Variants in RETSAT observed in about 807,000 individuals in gnomAD.
RETSAT encodes the protein retinol saturase.
In RETSAT, 35 loss-of-function variants were observed where a neutral mutation model predicts 61.6. That is an observed-to-expected ratio of 0.57 (90% CI 0.43 to 0.75). The LOEUF (loss-of-function observed/expected upper bound fraction) is 0.75, where lower values mean the gene tolerates loss of function less well. Among genes scored for constraint, RETSAT ranks in the 30% least tolerant of loss-of-function variants. The probability of loss-of-function intolerance (pLI) is 0.00; values close to 1 mark genes in which losing one functional copy is unlikely to be tolerated. For missense variants in RETSAT, 670 were observed against 759.5 expected (o/e 0.88, Z 1.38); for synonymous variants, 277 against 310.4 (o/e 0.89, Z 1.13).
chr2:85,350,310 G>A, intron 3 of RETSAT, 69 bp from the exon 4 acceptor site: 3 of 1,145,886 alleles, frequency 2.6e-6, no homozygotes, highest in Non-Finnish European at 3.9e-6. Flanking sequence ...TATCCCCATA[G>A]CCTGGACCAG....
chr2:85,347,631 G>C (rs1397875074), intron 5 of RETSAT, among the ~76,000 whole-genome samples: 1 of 152,258 alleles, frequency 6.6e-6, no homozygotes, highest in Non-Finnish European at 1.5e-5. Flanking sequence ...GCCACCCAAA[G>C]TGCTGGGATT....
rs202200883 is a variant in RETSAT at position 85,349,396 on chromosome 2, C to T, written c.985G>A (p.Gly329Arg). The T allele has an allele frequency of 1.4e-4, 220 of 1,614,050 alleles. No homozygotes were observed. Among genetic ancestry groups the T allele is most frequent in the Non-Finnish European group, 3.0e-5 (35 of 1,179,958 alleles). Residue 329 changes from glycine (G) to arginine (R), a missense_variant, in exon 5 of 11, where the codon GGG becomes AGG. Physicochemically the swap from Gly to Arg is moderately radical, Grantham distance 125. Coordinates refer to ENST00000295802, the MANE Select transcript of RETSAT (RefSeq NM_017750.4). ...GCAGGGCTCTCACCACAGGCTTTCCCAGCTGAGTCCAGCAACACACTCTGC... is the reference window on the plus strand; with the variant it reads ...GCAGGGCTCTCACCACAGGCTTTCCTAGCTGAGTCCAGCAACACACTCTGC... ...TVQSVLLDSA[G>R]KACGVSVKKG...
In RETSAT at chr2:85,344,638, C is replaced by A. The variant is rs147843877; in HGVS notation, c.1212G>T (p.Pro404=). The A allele has an allele frequency of 3.1e-6, 5 of 1,614,190 alleles. No homozygotes were observed. In the Admixed American group the frequency reaches 5.0e-5, roughly 16 times the overall value. The part of the protein sequence containing the change: ...LRGTKEDLHL[P]STNYYVYYDT... ...CATAGTAAACATAGTAGTTGGTGGACGGCAGATGCAGGTCTTCCTTGGTGC... is the reference window on the plus strand; with the variant it reads ...CATAGTAAACATAGTAGTTGGTGGAAGGCAGATGCAGGTCTTCCTTGGTGC... Residue 404 remains proline (P), a synonymous_variant, in exon 7 of 11, where the codon CCG becomes CCT. Coordinates refer to ENST00000295802, the MANE Select transcript of RETSAT (RefSeq NM_017750.4).
At chr2:85,346,891 C>T (rs1466213112) in intron 5 of RETSAT, among the ~76,000 whole-genome samples, 1 of 152,184 alleles carries the variant, frequency 6.6e-6, no homozygotes, top group Admixed American at 6.5e-5. Context: ...CAGCTCCATC[C>T]GTCTCTGGTC....
chr2:85,343,855 A>T, intron 9 of RETSAT, 57 bp from the exon 10 acceptor site: 2 of 1,322,614 alleles, frequency 1.5e-6, no homozygotes, highest in Non-Finnish European at 2.1e-6. Context: ...TCCCTCTTCC[A>T]CTCTTTCCCA....
intron 1 of RETSAT, among the ~76,000 whole-genome samples, chr2:85,353,674 T>G (rs1167308314): frequency 6.6e-6 from 1 of 152,222 alleles, no homozygotes; most frequent in Non-Finnish European, 1.5e-5. Flanking sequence ...TGTAGCAAGA[T>G]ATGACACGGA....
At chr2:85,352,050 T>C (rs1202640060) in intron 1 of RETSAT, among the ~76,000 whole-genome samples, 188 bp from the exon 2 acceptor site, 1 of 152,140 alleles carries the variant, frequency 6.6e-6, no homozygotes, top group East Asian at 1.9e-4. Context: ...CCAGGCAGAT[T>C]TGGGGTTTTG....
At chr2:85,345,904 G>T (rs777762967) in intron 6 of RETSAT, 71 bp downstream of exon 6, 1 of 1,603,324 alleles carries the variant, frequency 6.2e-7, no homozygotes, top group Non-Finnish European at 8.5e-7. Flanking sequence ...TGACCCACAC[G>T]GAGCAGGTTG....
intron 5 of RETSAT, among the ~76,000 whole-genome samples, chr2:85,349,040 T>C (rs986727685): frequency 6.6e-6 from 1 of 150,586 alleles, no homozygotes; most frequent in Non-Finnish European, 1.5e-5. Context: ...TGAGCCACCA[T>C]GCCCGGCCAT....
Position 85,344,322 on chromosome 2 carries a change from C to T in RETSAT, c.1283G>A (p.Arg428Lys), listed in dbSNP as rs142206924. Residue 428 changes from arginine to lysine, a missense_variant, in exon 8 of 11, where the codon AGG (arginine) becomes AAG (lysine). Arg to Lys is a conservative substitution (Grantham distance 26). Transcript: ENST00000295802. ...AGGGATGTGTTCCGCAGCCTCTTCC[C>T]TGGGCATGGAGACGTAGCGCTCCAT... Reference protein sequence around the residue: ...QAMERYVSMPREEAAEHIPLL... With the variant: ...QAMERYVSMPKEEAAEHIPLL... 3.8e-5 allele frequency: 61 copies of T among 1,613,982 alleles called. No individual in the cohort carries two copies. The highest frequency in any genetic ancestry group is 4.9e-5 in the Non-Finnish European group (58 of 1,180,020).
chr2:85,343,705 G>A lies in RETSAT; in HGVS notation c.1627C>T (p.Arg543Cys), dbSNP rs1558681095. The A allele has an allele frequency of 3.7e-6, 6 of 1,614,150 alleles. No homozygotes were observed. Among genetic ancestry groups the A allele is most frequent in the South Asian group, 3.3e-5 (3 of 91,086 alleles). The change falls in exon 10 of 11, where the codon CGC becomes TGC. Residue 543 changes from arginine (R) to cysteine (C), a missense_variant. Coordinates refer to ENST00000295802, the MANE Select transcript of RETSAT (RefSeq NM_017750.4). The part of the protein sequence containing the change: ...ACYGADHDLG[R>C]LHPCVMASLR... ...GAGGCCATCACACAAGGGTGCAGGC[G>A]GCCCAGGTCATGGTCAGCCCCGTAG...
rs766460107 is a variant in RETSAT, at chr2:85,351,724, C to G, written c.311G>C (p.Gly104Ala). Residue 104 changes from glycine (G) to alanine (A), a missense_variant, in exon 2 of 11, where the codon GGC (glycine) becomes GCC (alanine). Physicochemically the swap from Gly to Ala is moderately conservative, Grantham distance 60 (BLOSUM62 0). Transcript: ENST00000295802. ...ATTCTTTCCAAAGGTATGACAGCAG[C>G]CCCCTGCCTTGGTATGTTGTTCCAG... ...LVLEQHTKAG[G>A]CCHTFGKNGL... The G allele has an allele frequency of 4.3e-6, 7 of 1,614,062 alleles. No individual in the cohort carries two copies. In the South Asian group the frequency reaches 7.7e-5, roughly 18 times the overall value.
Position 85,354,527 on chromosome 2 carries a change from G to T in RETSAT, c.-20C>A, listed in dbSNP as rs1366064043. The T allele has an allele frequency of 6.3e-7, 1 of 1,594,598 alleles. No individual in the cohort carries two copies. On this transcript the variant is annotated 5_prime_UTR_variant, in exon 1 of 11. Transcript: ENST00000295802. ...CCACATCACGCCGGCGTCGGGTCGGGTAAATGGGACAGCTCCGACTGCGCT... is the reference window on the plus strand; with the variant it reads ...CCACATCACGCCGGCGTCGGGTCGGTTAAATGGGACAGCTCCGACTGCGCT...
chr2:85,344,850 G>A, intron 6 of RETSAT, 118 bp from the exon 7 acceptor site: 1 of 1,105,256 alleles, frequency 9.0e-7, no homozygotes, highest in South Asian at 1.6e-5. Flanking sequence ...CCGGGCCCCT[G>A]GCCACTCTGC....
rs200882656 is a variant in RETSAT at position 85,344,105 on chromosome 2, G to A, written c.1427C>T (p.Ala476Val). 117 of 1,534,302 alleles carry A rather than the reference G, an allele frequency of 7.6e-5. No homozygotes were observed. The African/African-American group carries it at 1.3e-3, about 17-fold the overall frequency. The change falls in exon 9 of 11, where the codon GCG becomes GTG. Residue 476 changes from alanine (A) to valine (V), a missense_variant. Transcript: ENST00000295802. Reference sequence around the variant, plus strand: ...ACTGCCCCGCTTTCCCTTCAGCTCCGCCTGCCACTCCTCAAACCACTCGTA... The same window carrying A: ...ACTGCCCCGCTTTCCCTTCAGCTCCACCTGCCACTCCTCAAACCACTCGTA... ...TAYEWFEEWQ[A>V]ELKGKRGSDY...
intron 7 of RETSAT, 35 bp downstream of exon 7, chr2:85,344,559 C>T (rs779668035): frequency 5.0e-6 from 8 of 1,606,956 alleles, no homozygotes; most frequent in Admixed American, 1.7e-5. Context: ...CAGGGAGGCA[C>T]GGGCCACACA....
At position 85,350,801 on chromosome 2, in the gene RETSAT, G is replaced by A; in HGVS notation, c.576C>T (p.Asp192=). The A allele has an allele frequency of 1.2e-6, 2 of 1,614,182 alleles. No individual in the cohort carries two copies. Among genetic ancestry groups the A allele is most frequent in the South Asian group, 1.1e-5 (1 of 91,080 alleles). Residue 192 remains aspartate, a synonymous_variant, in exon 3 of 11, where the codon GAC becomes GAT. Coordinates refer to ENST00000295802, the MANE Select transcript of RETSAT (RefSeq NM_017750.4). ...TTACCTTAACCAGCTTTATATACTT[G>A]TCAATGATAGCTTCCTCCTGTGGAA... The part of the protein sequence containing the change: ...EKFPQEEAII[D]KYIKLVKVVS...
chr2:85,346,160 C>T (rs1683198108), intron 5 of RETSAT, 66 bp from the exon 6 acceptor site: 3 of 1,560,246 alleles, frequency 1.9e-6, no homozygotes, highest in Non-Finnish European at 2.6e-6. Context: ...CCCACGGCCC[C>T]CATGGATCTC....
At position 85,350,946 on chromosome 2, in the gene RETSAT, A is replaced by C. The variant is rs1683288931; in HGVS notation, c.431T>G (p.Leu144Arg). ...AGGAGAGGACAGGGGAGCCCAGTCC[A>C]GCTGCCCTTCAGTGATCTGGTCCAA... ...FILDQITEGQLDWAPLSSPFD... is the reference protein window; with the variant it reads ...FILDQITEGQRDWAPLSSPFD... Residue 144 changes from leucine (L) to arginine (R), a missense_variant, in exon 3 of 11, where the codon CTG becomes CGG. Transcript: ENST00000295802. 3 of 1,614,214 alleles carry C rather than the reference A, an allele frequency of 1.9e-6. No homozygotes were observed. The highest frequency in any genetic ancestry group is 1.6e-4 in the Middle Eastern group (1 of 6,062).
Sources: allele counts gnomAD v4.1 joint callset (sites outside exome capture counted in the v4.1 genomes callset), GRCh38; gene constraint gnomAD v4.1.1; transcripts MANE v1.5; gene names NCBI Gene and HGNC (gene_info 2026-07-23, HGNC 2026-07-21).